Variants in CLEC4F observed in about 807,000 individuals in gnomAD.
CLEC4F encodes C-type lectin domain family 4 member F.
A neutral mutation model predicts 53.4 loss-of-function variants in CLEC4F; 45 were observed. The observed-to-expected ratio is 0.84, with a 90% CI of 0.66 to 1.08. The LOEUF is 1.08. Ranked by LOEUF, CLEC4F falls within the 50% of genes least tolerant of loss-of-function variation. CLEC4F has a pLI of 0.00. For missense variants in CLEC4F, 753 were observed against 698.2 expected (o/e 1.08, Z -0.88); for synonymous variants, 245 against 257.5 (o/e 0.95, Z 0.46).
intron 2 of CLEC4F, 66 bp downstream of exon 2, chr2:70,819,709 G>A (rs1677123285): frequency 8.3e-7 from 1 of 1,205,324 alleles, no homozygotes; most frequent in Non-Finnish European, 1.2e-6. Context: ...GTGCATCTGG[G>A]GCCCCTGGGG....
chr2:70,810,671 G>T (rs1676506632), intron 5 of CLEC4F: 3 of 187,772 alleles, frequency 1.6e-5, no homozygotes, highest in Admixed American at 6.1e-5. Context: ...GCAAACACAG[G>T]ATACAAAAAC....
chr2:70,817,811 A>C (rs1416901090), intron 3 of CLEC4F, among the ~76,000 whole-genome samples: 2 of 152,238 alleles, frequency 1.3e-5, no homozygotes, highest in Non-Finnish European at 2.9e-5. Flanking sequence ...TTAAAGAGCC[A>C]GCACCCCCAG....
At chr2:70,817,470 C>T (rs1676989421) in intron 3 of CLEC4F, among the ~76,000 whole-genome samples, 1 of 152,138 alleles carries the variant, frequency 6.6e-6, no homozygotes, top group African/African-American at 2.4e-5. Context: ...TCATTTAGAG[C>T]TGTTGAAGTT....
At chr2:70,810,714 C>A (rs1574364787) in intron 5 of CLEC4F, 2 of 308,410 alleles carry the variant, frequency 6.5e-6, no homozygotes, top group South Asian at 4.0e-5. Context: ...AATATGGATA[C>A]ACGATTGATG....
At chr2:70,820,744 C>T, upstream of CLEC4F, 2 of 514,214 alleles carry the variant, frequency 3.9e-6, no homozygotes, top group East Asian at 6.7e-5. Context: ...TATTTTCTTC[C>T]TCTTCCCATT....
At position 70,813,446 on chromosome 2, in the gene CLEC4F, G is replaced by A. The variant is rs570891118; in HGVS notation, c.1388-848C>T. 3.3e-5 allele frequency among the ~76,000 whole-genome samples: 5 copies of A among 152,202 alleles called. No individual in the cohort carries two copies. The South Asian group carries it at 1.0e-3, about 32-fold the overall frequency. On this transcript the variant is annotated intron_variant, in intron 4 of 6. Coordinates refer to ENST00000272367, the MANE Select transcript of CLEC4F (RefSeq NM_173535.3). The stretch of plus-strand genomic sequence containing the variant: ...CTGAGCAGGAGGTGGGGCTCAGGAA[G>A]GACACCCTGGATGAGATGTTACTGG...
In CLEC4F at chr2:70,817,079, C is replaced by T. The variant is rs2075221; in HGVS notation, c.302G>A (p.Arg101Gln). The T allele has an allele frequency of 0.36, 585,192 of 1,611,286 alleles. 111,803 individuals are homozygous for T. The highest frequency in any genetic ancestry group is 0.57 in the East Asian group (25,347 of 44,846). ...HHHFGREAEM[R>Q]ELIQTFKGHM... ...GCCTTTAAATGTCTGGATAAGCTCTCGCATTTCTGCCTCCCTGCCAAAGTG... is the reference window on the plus strand; with the variant it reads ...GCCTTTAAATGTCTGGATAAGCTCTTGCATTTCTGCCTCCCTGCCAAAGTG... Residue 101 changes from arginine to glutamine, a missense_variant, in exon 4 of 7, where the codon CGA becomes CAA. Arg to Gln is a conservative substitution (Grantham distance 43, BLOSUM62 1). Coordinates refer to ENST00000272367, the MANE Select transcript of CLEC4F (RefSeq NM_173535.3).
At chr2:70,810,618 C>CAAAAAAAA (rs58138583) in intron 5 of CLEC4F, among the ~76,000 whole-genome samples, 22 of 48,828 alleles carry the variant, frequency 4.5e-4, no homozygotes, top group African/African-American at 1.4e-3. Context: ...AACTCTGTCG[C>CAAAAAAAA]AAAAAAAAAA....
chr2:70,812,509 C>T lies in CLEC4F; in HGVS notation c.1477G>A (p.Ala493Thr). The T allele has an allele frequency of 4.3e-6, 7 of 1,614,216 alleles. No individual in the cohort carries two copies. Among genetic ancestry groups the T allele is most frequent in the Non-Finnish European group, 5.9e-6 (7 of 1,180,042 alleles). ...FSSVKKSWHE[A>T]EQFCVSQGAH... ...CCCTGGGACACGCAGAACTGCTCAGCCTCATGCCAAGACTTCTTGACACTA... is the reference window on the plus strand; with the variant it reads ...CCCTGGGACACGCAGAACTGCTCAGTCTCATGCCAAGACTTCTTGACACTA... Residue 493 changes from alanine (A) to threonine (T), a missense_variant, in exon 5 of 7, where the codon GCT becomes ACT. By Grantham distance (58) the Ala-to-Thr change is moderately conservative. Transcript: ENST00000272367.
chr2:70,813,662 CCTTCCTTTCTTT>C (rs782003798), intron 4 of CLEC4F, among the ~76,000 whole-genome samples: 118 of 58,922 alleles, frequency 2.0e-3, no homozygotes, highest in Non-Finnish European at 2.7e-3. Context: ...TCTTTTTCTT[CCTTCCTTTCTTT>C]CTTCCTTTCT....
At chr2:70,810,643 T>TAAAAAAAAA (rs1676503122) in intron 5 of CLEC4F, among the ~76,000 whole-genome samples, 1 of 98,730 alleles carries the variant, frequency 1.0e-5, no homozygotes, top group African/African-American at 3.8e-5. Context: ...AAAAAAAAAG[T>TAAAAAAAAA]ATTTCCCATT....
Position 70,809,673 on chromosome 2 carries a change from C to T in CLEC4F, c.1658+66G>A, listed in dbSNP as rs1392974102. 1.1e-5 allele frequency: 13 copies of T among 1,211,634 alleles called. No homozygotes were observed. The Admixed American group carries it at 2.2e-4, about 20-fold the overall frequency. The allele number at this position is 1,211,634 out of a possible 1,614,324, so 75.1% of individuals were successfully genotyped here. Reference sequence around the variant, plus strand: ...CACTACCACTTACTGGGAAGGGACACACAGTGTGTAGCTAGGTCCACCAAA... The same window carrying T: ...CACTACCACTTACTGGGAAGGGACATACAGTGTGTAGCTAGGTCCACCAAA... On this transcript the variant is annotated intron_variant, in intron 6 of 6. Coordinates refer to ENST00000272367, the MANE Select transcript of CLEC4F (RefSeq NM_173535.3).
chr2:70,819,124 G>A (rs1677082041), intron 3 of CLEC4F, among the ~76,000 whole-genome samples: 1 of 152,166 alleles, frequency 6.6e-6, no homozygotes, highest in Admixed American at 6.5e-5. Flanking sequence ...GATGATTGTG[G>A]TGATGGTTTC....
intron 3 of CLEC4F, among the ~76,000 whole-genome samples, chr2:70,818,020 C>T (rs1158929719): frequency 6.6e-6 from 1 of 152,222 alleles, no homozygotes; most frequent in African/African-American, 2.4e-5. Context: ...TAATCTCACA[C>T]ATCCATGATC....
rs367562899 is a variant in CLEC4F at position 70,815,736 on chromosome 2, G to A, written c.1387+258C>T. Among the ~76,000 whole-genome samples, 9 of 152,266 alleles carry A rather than the reference G, an allele frequency of 5.9e-5. No individual in the cohort carries two copies. The East Asian group carries it at 9.6e-4, about 16-fold the overall frequency. ...GCTGTGTGGCCCACTAGCCCATGCCGTCCTTATCACACACGTGCACCATTT... is the reference window on the plus strand; with the variant it reads ...GCTGTGTGGCCCACTAGCCCATGCCATCCTTATCACACACGTGCACCATTT... On this transcript the variant is annotated intron_variant, in intron 4 of 6. Transcript: ENST00000272367.
chr2:70,815,878 C>T (rs1676868489), intron 4 of CLEC4F, 116 bp downstream of exon 4: 1 of 1,159,272 alleles, frequency 8.6e-7, no homozygotes, highest in Non-Finnish European at 1.2e-6. Flanking sequence ...GGCCCATTTC[C>T]CTGGATTTGG....
intron 3 of CLEC4F, 120 bp downstream of exon 3, chr2:70,819,235 T>C (rs1677088340): frequency 1.4e-6 from 1 of 740,414 alleles, no homozygotes; most frequent in Non-Finnish European, 2.4e-6. Flanking sequence ...TATCTCTTTC[T>C]GTGAGGATGG....
At chr2:70,810,138 CTT>C (rs144978548) in intron 5 of CLEC4F, among the ~76,000 whole-genome samples, 111 of 143,060 alleles carry the variant, frequency 7.8e-4, no homozygotes, top group East Asian at 1.6e-3. Context: ...AGCTCTCACT[CTT>C]TTTTTTTTTT....
rs782488351 is a variant in CLEC4F at position 70,816,491 on chromosome 2, G to A, written c.890C>T (p.Ala297Val). The A allele has an allele frequency of 6.2e-7, 1 of 1,614,180 alleles. No individual in the cohort carries two copies. The highest frequency in any genetic ancestry group is 8.5e-7 in the Non-Finnish European group (1 of 1,180,040). ...AAAGGCCTGGGTCTGGGAGTTTAAA[G>A]CATTTGTGTTCTGCAAATTTTCCTT... Reference protein sequence around the residue: ...GLKENLQNTNALNSQTQAFIK... With the variant: ...GLKENLQNTNVLNSQTQAFIK... Residue 297 changes from alanine (A) to valine (V), a missense_variant, in exon 4 of 7, where the codon GCT becomes GTT. Ala to Val is a moderately conservative substitution (Grantham distance 64, BLOSUM62 0). Coordinates refer to ENST00000272367, the MANE Select transcript of CLEC4F (RefSeq NM_173535.3).
Sources: allele counts gnomAD v4.1 joint callset (sites outside exome capture counted in the v4.1 genomes callset), GRCh38; gene constraint gnomAD v4.1.1; transcripts MANE v1.5; gene names NCBI Gene and HGNC (gene_info 2026-07-23, HGNC 2026-07-21).